The following DSCAM variants were observed in gnomAD, a reference collection of about 807,000 sequenced individuals.
DSCAM encodes the protein DS cell adhesion molecule, also known as cell adhesion molecule DSCAM.
DSCAM carries 47 observed loss-of-function variants against 217.7 expected under a neutral mutation model. That is an observed-to-expected ratio of 0.22 (90% CI 0.17 to 0.28). The LOEUF (loss-of-function observed/expected upper bound fraction) is 0.28, where lower values mean the gene tolerates loss of function less well. Ranked by LOEUF, DSCAM falls within the 10% of genes least tolerant of loss-of-function variation. DSCAM has a pLI of 1.00. For synonymous variants in DSCAM, 1,056 were observed against 1,015.3 expected (o/e 1.04, Z -0.76); for missense variants, 2,080 against 2,618.3 (o/e 0.79, Z 4.49).
intron 9 of DSCAM, among the ~76,000 whole-genome samples, chr21:40,301,657 C>A (rs895605184): frequency 8.9e-6 from 1 of 112,370 alleles, no homozygotes; most frequent in African/African-American, 5.9e-5. Context: ...CCAGGCTGTG[C>A]ATGCTATGAG....
intron 1 of DSCAM, among the ~76,000 whole-genome samples, chr21:40,778,659 A>G (rs2091511185): frequency 6.6e-6 from 1 of 152,236 alleles, no homozygotes; most frequent in Admixed American, 6.5e-5. Flanking sequence ...AGAAGGATGT[A>G]TAAGGATGAT....
At chr21:40,056,474 T>A (rs188867758) in intron 28 of DSCAM, among the ~76,000 whole-genome samples, 146 of 152,308 alleles carry the variant, frequency 9.6e-4, no homozygotes, top group Admixed American at 3.4e-3. Flanking sequence ...GAGTGAGCTG[T>A]TCTCTAAAAG....
intron 15 of DSCAM, among the ~76,000 whole-genome samples, 178 bp from the exon 16 acceptor site, chr21:40,167,466 C>G (rs1350652650): frequency 2.0e-5 from 3 of 152,156 alleles, no homozygotes; most frequent in African/African-American, 4.8e-5. Context: ...AACTCTAGGC[C>G]TTTGTTTATT....
At chr21:40,028,768 A>C (rs934069414) in intron 32 of DSCAM, among the ~76,000 whole-genome samples, 3 of 152,160 alleles carry the variant, frequency 2.0e-5, no homozygotes, top group African/African-American at 7.2e-5. Context: ...CCGGTACCTC[A>C]GATGGAAATG....
chr21:40,618,745 T>C (rs1185926515), intron 3 of DSCAM: 1 of 151,746 alleles, frequency 6.6e-6, no homozygotes, highest in Non-Finnish European at 1.5e-5. Flanking sequence ...ATCAGAGAGA[T>C]TGACTGGGAG....
intron 3 of DSCAM, among the ~76,000 whole-genome samples, chr21:40,659,779 A>G (rs868000516): frequency 1.3e-5 from 2 of 152,222 alleles, no homozygotes; most frequent in African/African-American, 2.4e-5. Flanking sequence ...TCACATGGTC[A>G]AGCATGGCTG....
intron 3 of DSCAM, among the ~76,000 whole-genome samples, chr21:40,419,155 GT>G (rs2075399684): frequency 9.9e-6 from 1 of 100,532 alleles, no homozygotes; most frequent in South Asian, 3.1e-4. Flanking sequence ...TTTTTTTTTT[GT>G]AGTTTTAGTA....
At chr21:40,682,145 C>G (rs1479248125) in intron 3 of DSCAM, among the ~76,000 whole-genome samples, 2 of 151,628 alleles carry the variant, frequency 1.3e-5, no homozygotes, top group Non-Finnish European at 2.9e-5. Context: ...AAGGGAAATT[C>G]CTTTGTGGTC....
At chr21:40,061,299 T>A (rs1006359265) in intron 28 of DSCAM, among the ~76,000 whole-genome samples, 3 of 152,190 alleles carry the variant, frequency 2.0e-5, no homozygotes, top group African/African-American at 7.2e-5. Context: ...CCTTCCGTGG[T>A]GGCTCATGCC....
intron 11 of DSCAM, among the ~76,000 whole-genome samples, chr21:40,262,740 T>C (rs2073470470): frequency 1.3e-5 from 2 of 152,200 alleles, no homozygotes; most frequent in Admixed American, 1.3e-4. Flanking sequence ...GGGCTTTGGC[T>C]GGAGGGCAGT....
In DSCAM at chr21:40,339,334, T is replaced by C. The variant is rs765394233; in HGVS notation, c.1292A>G (p.Lys431Arg). 5 of 1,613,990 alleles carry C rather than the reference T, an allele frequency of 3.1e-6. No homozygotes were observed. In the African/African-American group the frequency reaches 6.7e-5, roughly 22 times the overall value. ...CGTGATCGTGGGCAAAGGTGTTCCC[T>C]TCACGTTGCACATAAGGGAAACCGG... Reference protein sequence around the residue: ...AEPVSLMCNVKGTPLPTITWT... With the variant: ...AEPVSLMCNVRGTPLPTITWT... Residue 431 changes from lysine to arginine, a missense_variant, in exon 7 of 33, where the codon AAG (lysine) becomes AGG (arginine). By Grantham distance (26) the Lys-to-Arg change is conservative (BLOSUM62 2). Transcript: ENST00000400454.
At chr21:40,662,056 G>A (rs1253265658) in intron 3 of DSCAM, among the ~76,000 whole-genome samples, 1 of 152,178 alleles carries the variant, frequency 6.6e-6, no homozygotes, top group Non-Finnish European at 1.5e-5. Flanking sequence ...CAGCCCGTGG[G>A]CATCAGCACT....
chr21:40,415,883 C>A (rs2075366796), intron 3 of DSCAM, among the ~76,000 whole-genome samples: 1 of 152,120 alleles, frequency 6.6e-6, no homozygotes, highest in Non-Finnish European at 1.5e-5. Flanking sequence ...GCATCGCTGT[C>A]ATCATTATCC....
At chr21:40,816,741 G>A (rs942768813) in intron 1 of DSCAM, among the ~76,000 whole-genome samples, 5 of 152,230 alleles carry the variant, frequency 3.3e-5, no homozygotes, top group East Asian at 3.9e-4. Context: ...ATTAAGCAAC[G>A]CTGCTGGGTT....
chr21:40,514,825 C>G (rs984999857), intron 3 of DSCAM, among the ~76,000 whole-genome samples: 2 of 152,106 alleles, frequency 1.3e-5, no homozygotes, highest in Non-Finnish European at 2.9e-5. Flanking sequence ...ATATTCCTCT[C>G]CAATGAGCTC....
intron 28 of DSCAM, among the ~76,000 whole-genome samples, chr21:40,062,007 C>T (rs888838795): frequency 9.2e-5 from 14 of 152,148 alleles, no homozygotes; most frequent in Non-Finnish European, 1.3e-4. Flanking sequence ...ATGCAAATAT[C>T]AGGGTGAGGT....
In DSCAM at chr21:40,029,108, G is replaced by GCAAA. The variant is rs540748634; in HGVS notation, c.5686+13259_5686+13262dup. Among the ~76,000 whole-genome samples, 465 of 151,724 alleles carry GCAAA rather than the reference G, an allele frequency of 3.1e-3. 3 individuals carry two copies. Among genetic ancestry groups the GCAAA allele is most frequent in the African/African-American group, 0.011 (454 of 41,330 alleles). ...TTCTCTATTCTTTTGAGAAATAGCT[G>GCAAA]CAAAGTTTAACAATTTTTTTTCCTC... On this transcript the variant is annotated intron_variant, in intron 32 of 32. Coordinates refer to ENST00000400454, the MANE Select transcript of DSCAM (RefSeq NM_001389.5).
intron 1 of DSCAM, among the ~76,000 whole-genome samples, chr21:40,794,524 C>G (rs930907556): frequency 3.4e-5 from 5 of 145,060 alleles, no homozygotes; most frequent in African/African-American, 1.0e-4. Flanking sequence ...TAAAGCACGC[C>G]TGTTCTTAGT....
chr21:40,752,249 T>C (rs1158381391), intron 1 of DSCAM, among the ~76,000 whole-genome samples: 1 of 152,166 alleles, frequency 6.6e-6, no homozygotes, highest in Non-Finnish European at 1.5e-5. Flanking sequence ...GCTTCCTTTC[T>C]GCTGTAACCT....
Sources: allele counts gnomAD v4.1 joint callset (sites outside exome capture counted in the v4.1 genomes callset), GRCh38; gene constraint gnomAD v4.1.1; transcripts MANE v1.5; gene names NCBI Gene and HGNC (gene_info 2026-07-23, HGNC 2026-07-21).